The following RABGAP1L variants were observed in gnomAD, a reference collection of about 807,000 sequenced individuals.
The protein encoded by RABGAP1L is rab GTPase-activating protein 1-like.
RABGAP1L carries 63 observed loss-of-function variants against 137.7 expected under a neutral mutation model. That is an observed-to-expected ratio of 0.46 (90% confidence interval 0.37 to 0.56). RABGAP1L has a LOEUF of 0.56. RABGAP1L is among the 20% of genes least tolerant of loss of function. The probability of loss-of-function intolerance (pLI) is 0.00; values close to 1 mark genes in which losing one functional copy is unlikely to be tolerated. For missense variants in RABGAP1L, 1,095 were observed against 1,244.0 expected (o/e 0.88, Z 1.80); for synonymous variants, 431 against 433.7 (o/e 0.99, Z 0.08).
At chr1:174,844,338 T>C (rs1180691417) in intron 19 of RABGAP1L, among the ~76,000 whole-genome samples, 2 of 122,544 alleles carry the variant, frequency 1.6e-5, no homozygotes, top group Admixed American at 8.8e-5. Flanking sequence ...GGTTTTCTTC[T>C]AGGGTTTTTA....
intron 1 of RABGAP1L, among the ~76,000 whole-genome samples, chr1:174,167,793 T>TA (rs1296263797): frequency 1.3e-5 from 2 of 152,214 alleles, no homozygotes; most frequent in Non-Finnish European, 2.9e-5. Flanking sequence ...TATGAAGGTT[T>TA]AAGAGACACA....
At chr1:174,424,853 A>G (rs891018920) in intron 13 of RABGAP1L, among the ~76,000 whole-genome samples, 2 of 152,044 alleles carry the variant, frequency 1.3e-5, no homozygotes, top group Non-Finnish European at 2.9e-5. Flanking sequence ...AATTATTACT[A>G]TTATAAAATT....
At chr1:174,585,617 T>C (rs973769305) in intron 13 of RABGAP1L, among the ~76,000 whole-genome samples, 3 of 152,340 alleles carry the variant, frequency 2.0e-5, no homozygotes. Flanking sequence ...GTTTGAAATA[T>C]CAAATTCTTC....
At chr1:174,445,523 CTTTG>C (rs967187793) in intron 13 of RABGAP1L, among the ~76,000 whole-genome samples, 2 of 151,874 alleles carry the variant, frequency 1.3e-5, no homozygotes, top group African/African-American at 4.8e-5. Context: ...AGTTCTATTG[CTTTG>C]TTTGTACAGT....
At chr1:174,644,283 T>G (rs1674773503) in intron 14 of RABGAP1L, among the ~76,000 whole-genome samples, 1 of 152,060 alleles carries the variant, frequency 6.6e-6, no homozygotes, top group Non-Finnish European at 1.5e-5. Flanking sequence ...ATGGTCTTAG[T>G]CCCTAAGAGC....
chr1:174,707,376 A>C (rs1572873206), intron 17 of RABGAP1L, among the ~76,000 whole-genome samples: 2 of 152,188 alleles, frequency 1.3e-5, no homozygotes, highest in East Asian at 3.8e-4. Flanking sequence ...AAAGCTAAGA[A>C]CTGGACCTAA....
intron 1 of RABGAP1L, among the ~76,000 whole-genome samples, chr1:174,202,846 A>T (rs905730020): frequency 2.6e-5 from 4 of 152,138 alleles, no homozygotes; most frequent in South Asian, 2.1e-4. Flanking sequence ...TAAGGAAGGG[A>T]TCCAGTTTCA....
chr1:174,167,130 A>T (rs1664976722), intron 1 of RABGAP1L, among the ~76,000 whole-genome samples: 1 of 152,244 alleles, frequency 6.6e-6, no homozygotes, highest in South Asian at 2.1e-4. Flanking sequence ...ATAAGAGTTC[A>T]AATATGGCAT....
At position 174,964,795 on chromosome 1, in the gene RABGAP1L, C is replaced by T. The variant is rs922156557; in HGVS notation, c.2434-4482C>T. On this transcript the variant is annotated intron_variant, in intron 20 of 25. Transcript: ENST00000681986. ...GTATCTTTGTTCCATTGAATGTTTG[C>T]GGTCACAGAGAGAACTTAGAGTTAT... 1.9e-5 allele frequency: 26 copies of T among 1,358,732 alleles called. No homozygotes were observed. The African/African-American group carries it at 2.2e-4, about 12-fold the overall frequency. The allele number at this position is 1,358,732 out of a possible 1,614,324, so 84.2% of individuals were successfully genotyped here.
chr1:174,709,014 G>C (rs1038554099), intron 17 of RABGAP1L, among the ~76,000 whole-genome samples: 18 of 152,202 alleles, frequency 1.2e-4, no homozygotes, highest in African/African-American at 4.3e-4. Flanking sequence ...ACTGAGGCTT[G>C]AGTACGCAGT....
chr1:174,986,993 T>C (rs552415255), intron 24 of RABGAP1L, among the ~76,000 whole-genome samples: 7 of 152,350 alleles, frequency 4.6e-5, no homozygotes, highest in Non-Finnish European at 1.0e-4. Flanking sequence ...GGCTAATTAT[T>C]CTCAGAGGTT....
At chr1:174,341,957 G>T (rs955279728) in intron 11 of RABGAP1L, among the ~76,000 whole-genome samples, 10 of 151,980 alleles carry the variant, frequency 6.6e-5, no homozygotes, top group Admixed American at 6.6e-4. Flanking sequence ...GTACTTGAAG[G>T]GTCAGTGGAG....
Position 174,666,756 on chromosome 1 carries a change from T to A in RABGAP1L, c.1825-16766T>A, listed in dbSNP as rs536065567. Among the ~76,000 whole-genome samples, 6 of 152,278 alleles carry A rather than the reference T, an allele frequency of 3.9e-5. No individual in the cohort carries two copies. The East Asian group carries it at 1.2e-3, about 29-fold the overall frequency. ...GAGAAATACCATCCTGTATTTCTTA[T>A]AGCAACCCAGGTAAGGTTTGTGTGT... is the stretch of plus-strand genomic sequence containing the variant. On this transcript the variant is annotated intron_variant, in intron 14 of 25. Coordinates refer to ENST00000681986, the MANE Select transcript of RABGAP1L (RefSeq NM_001366446.1).
chr1:174,419,457 C>T (rs1362077800), intron 13 of RABGAP1L, among the ~76,000 whole-genome samples: 1 of 152,144 alleles, frequency 6.6e-6, no homozygotes, highest in Non-Finnish European at 1.5e-5. Flanking sequence ...TTATTTCTGG[C>T]TCACTTTAGT....
chr1:174,691,878 C>G (rs563811611), intron 15 of RABGAP1L, among the ~76,000 whole-genome samples: 1 of 151,882 alleles, frequency 6.6e-6, no homozygotes, highest in Non-Finnish European at 1.5e-5. Context: ...AGGAATTGCA[C>G]GTACTAAGGT....
intron 11 of RABGAP1L, among the ~76,000 whole-genome samples, chr1:174,342,195 T>A (rs1276561362): frequency 6.6e-6 from 1 of 152,160 alleles, no homozygotes; most frequent in Non-Finnish European, 1.5e-5. Context: ...AACATTTTAA[T>A]CAATAACATT....
chr1:174,572,774 G>A (rs750532366), intron 13 of RABGAP1L, among the ~76,000 whole-genome samples: 21 of 152,152 alleles, frequency 1.4e-4, no homozygotes, highest in Non-Finnish European at 2.5e-4. Flanking sequence ...GAAAAAGGAT[G>A]CACTAAGTTG....
intron 13 of RABGAP1L, among the ~76,000 whole-genome samples, chr1:174,451,449 AT>A (rs1314520349): frequency 2.0e-5 from 3 of 152,182 alleles, no homozygotes; most frequent in Non-Finnish European, 4.4e-5. Flanking sequence ...TCACTTTTAC[AT>A]GTGTTATACC....
chr1:174,390,943 G>T (rs945916939), intron 12 of RABGAP1L, among the ~76,000 whole-genome samples: 1 of 152,110 alleles, frequency 6.6e-6, no homozygotes, highest in Non-Finnish European at 1.5e-5. Flanking sequence ...AGAGACAAGA[G>T]AATGAAAGAA....
Sources: allele counts gnomAD v4.1 joint callset (sites outside exome capture counted in the v4.1 genomes callset), GRCh38; gene constraint gnomAD v4.1.1; transcripts MANE v1.5; gene names NCBI Gene and HGNC (gene_info 2026-07-23, HGNC 2026-07-21).